SPATS2L: variants seen among roughly 807,000 people sequenced by gnomAD.
The protein encoded by SPATS2L is SPATS2-like protein.
SPATS2L carries 30 observed loss-of-function variants against 59.6 expected under a neutral mutation model. The ratio of observed to expected loss-of-function variants is 0.50; its 90% CI spans 0.38 to 0.68. SPATS2L has a LOEUF of 0.68. Among genes scored for constraint, SPATS2L ranks in the 30% least tolerant of loss-of-function variants. The probability of loss-of-function intolerance (pLI) is 0.00; values close to 1 mark genes in which losing one functional copy is unlikely to be tolerated. For synonymous variants in SPATS2L, 252 were observed against 263.5 expected, an observed-to-expected ratio of 0.96 and a Z score of 0.42; for missense variants, 615 against 700.0, an observed-to-expected ratio of 0.88 and a Z score of 1.37.
chr2:200,339,978 A>G (rs1257409560), intron 2 of SPATS2L, among the ~76,000 whole-genome samples: 1 of 152,066 alleles, frequency 6.6e-6, no homozygotes, highest in Non-Finnish European at 1.5e-5. Context: ...AATCGTTCAC[A>G]CTGCAATTGA....
In SPATS2L at chr2:200,350,786, C is replaced by T. The variant is rs529193021; in HGVS notation, c.-23+21306C>T. Among the ~76,000 whole-genome samples, 13 of 152,264 alleles carry T rather than the reference C, an allele frequency of 8.5e-5. No individual in the cohort carries two copies. In the East Asian group the frequency reaches 9.7e-4, roughly 11 times the overall value. On this transcript the variant is annotated intron_variant, in intron 2 of 12. Transcript: ENST00000409140. ...CTGACCTCAAGTGATCTGCCCACTTCGGCCTCCCAAAGTGCTGGGATTATA... is the reference window on the plus strand; with the variant it reads ...CTGACCTCAAGTGATCTGCCCACTTTGGCCTCCCAAAGTGCTGGGATTATA...
At chr2:200,361,084 C>A (rs2081088376) in intron 2 of SPATS2L, among the ~76,000 whole-genome samples, 1 of 122,836 alleles carries the variant, frequency 8.1e-6, no homozygotes, top group African/African-American at 4.4e-5. Context: ...ACCCCACCCC[C>A]CCACACACAC....
In SPATS2L at chr2:200,389,266, G is replaced by A. The variant is rs2082095926; in HGVS notation, c.22G>A (p.Val8Met). 2 of 1,584,920 alleles carry A rather than the reference G, an allele frequency of 1.3e-6. No individual in the cohort carries two copies. Among genetic ancestry groups the A allele is most frequent in the East Asian group, 4.5e-5 (2 of 44,106 alleles). Residue 8 changes from valine to methionine, a missense_variant, in exon 3 of 13, where the codon GTG becomes ATG. This residue lies in a region of SPATS2L where 227 missense variants were observed against 257.4 expected (regional missense o/e 0.88). Transcript: ENST00000409140. ...CAAGATGGCTGAACTCAATACTCAT[G>A]TGAATGTCAAGGAAAAGGTAAGATC... The part of the protein sequence containing the change: MAELNTH[V>M]NVKEKIYAVR...
chr2:200,396,234 A>C (rs916604816), intron 3 of SPATS2L, among the ~76,000 whole-genome samples: 2 of 151,750 alleles, frequency 1.3e-5, no homozygotes, highest in Non-Finnish European at 2.9e-5. Context: ...AGCTCAGTCT[A>C]TAATGTCATC....
At position 200,477,689 on chromosome 2, in the gene SPATS2L, G is replaced by T. The variant is rs886998115; in HGVS notation, c.1335G>T (p.Arg445Ser). 20 of 1,565,972 alleles carry T rather than the reference G, an allele frequency of 1.3e-5. No homozygotes were observed. The highest frequency in any genetic ancestry group is 1.6e-5 in the Non-Finnish European group (19 of 1,154,760). Residue 445 changes from arginine to serine, a missense_variant, in exon 13 of 13, where the codon AGG (arginine) becomes AGT (serine). By Grantham distance (110) the Arg-to-Ser change is moderately radical (BLOSUM62 -1). This residue lies in a region of SPATS2L where 284 missense variants were observed against 280.1 expected (regional missense o/e 1.01). Coordinates refer to ENST00000409140, the MANE Select transcript of SPATS2L (RefSeq NM_001100423.2). ...TTAATCCACAGTATCATAACAACAG[G>T]CTAAATGGGCCTGCCAAGTCGCAGG... Reference protein sequence around the residue: ...RRFNPQYHNNRLNGPAKSQGS... With the variant: ...RRFNPQYHNNSLNGPAKSQGS...
intron 2 of SPATS2L, among the ~76,000 whole-genome samples, chr2:200,362,970 T>C (rs1052711834): frequency 6.6e-6 from 1 of 152,124 alleles, no homozygotes; most frequent in Admixed American, 6.5e-5. Context: ...ATAAATTTTC[T>C]AGGTACAATT....
intron 9 of SPATS2L, among the ~76,000 whole-genome samples, chr2:200,465,673 G>A (rs368523009): frequency 1.3e-5 from 2 of 152,322 alleles, no homozygotes; most frequent in African/African-American, 4.8e-5. Context: ...TTTGGCAGAT[G>A]ATAAAGCTGT....
At chr2:200,329,579 C>T (rs1214115268) in intron 2 of SPATS2L, 99 bp downstream of exon 2, 22 of 1,016,050 alleles carry the variant, frequency 2.2e-5, no homozygotes, top group Non-Finnish European at 3.2e-5. Context: ...TTGTCACAGC[C>T]TTTGGCCGCC....
intron 2 of SPATS2L, chr2:200,372,287 G>A: frequency 1.3e-6 from 1 of 751,754 alleles, no homozygotes; most frequent in Non-Finnish European, 1.6e-6. Flanking sequence ...CTCATTCAAT[G>A]GCCAGCCAGC....
chr2:200,445,350 A>C (rs968699522), intron 8 of SPATS2L, among the ~76,000 whole-genome samples: 2 of 152,202 alleles, frequency 1.3e-5, no homozygotes, highest in African/African-American at 4.8e-5. Context: ...TGGGACTTTT[A>C]GGCAGAAGAA....
At chr2:200,367,310 A>T (rs894130787) in intron 2 of SPATS2L, among the ~76,000 whole-genome samples, 5 of 150,708 alleles carry the variant, frequency 3.3e-5, no homozygotes, top group Admixed American at 1.3e-4. Flanking sequence ...TGCAATCATG[A>T]TGATCTCTGA....
At chr2:200,359,009 C>T (rs1436045719) in intron 2 of SPATS2L, among the ~76,000 whole-genome samples, 1 of 151,416 alleles carries the variant, frequency 6.6e-6, no homozygotes, top group Admixed American at 6.6e-5. Flanking sequence ...AAAAAATACA[C>T]ACACACACAA....
intron 2 of SPATS2L, among the ~76,000 whole-genome samples, chr2:200,383,511 G>A (rs369618046): frequency 6.6e-6 from 1 of 152,144 alleles, no homozygotes; most frequent in Non-Finnish European, 1.5e-5. Flanking sequence ...TGACCTGGGA[G>A]TCACTGTTTT....
chr2:200,476,204 G>A (rs1035401126), intron 12 of SPATS2L, among the ~76,000 whole-genome samples: 1 of 152,072 alleles, frequency 6.6e-6, no homozygotes, highest in Non-Finnish European at 1.5e-5. Flanking sequence ...TTGAAGGAAT[G>A]ATTTTTTAAT....
intron 2 of SPATS2L, among the ~76,000 whole-genome samples, chr2:200,367,004 G>A (rs2081286796): frequency 6.6e-6 from 1 of 152,030 alleles, no homozygotes; most frequent in Non-Finnish European, 1.5e-5. Flanking sequence ...GTCACTAATC[G>A]AAGACTCAAA....
chr2:200,480,496 A>G lies in SPATS2L; in HGVS notation c.*2465A>G, dbSNP rs2087751623. ...GGCTCAAGCCATCCTCAGCCTCCCA[A>G]GTTGCGAGGACTACAGGTGTGCACC... On this transcript the variant is annotated 3_prime_UTR_variant, in exon 13 of 13. Transcript: ENST00000409140. 1 of 152,074 alleles carries G rather than the reference A, an allele frequency of 6.6e-6. No individual in the cohort carries two copies. The highest frequency in any genetic ancestry group is 2.4e-5 in the African/African-American group (1 of 41,378). 9.4% of individuals were successfully genotyped at this position (152,074 alleles called of 1,614,324 possible).
intron 2 of SPATS2L, among the ~76,000 whole-genome samples, chr2:200,332,806 C>G (rs890379498): frequency 2.9e-4 from 36 of 125,938 alleles, no homozygotes; most frequent in South Asian, 8.2e-4. Flanking sequence ...ATGTATGTAT[C>G]TATGTATTCT....
rs185455045 is a variant in SPATS2L at position 200,348,187 on chromosome 2, G to A, written c.-23+18707G>A. Among the ~76,000 whole-genome samples, 51 of 152,316 alleles carry A rather than the reference G, an allele frequency of 3.3e-4. No homozygotes were observed. The East Asian group carries it at 7.1e-3, about 21-fold the overall frequency. On this transcript the variant is annotated intron_variant, in intron 2 of 12. Coordinates refer to ENST00000409140, the MANE Select transcript of SPATS2L (RefSeq NM_001100423.2). ...GTAATGTCAGCAGGCTGTCTATTAT[G>A]TAACCATAATACTAGTGTTCTGAGT...
intron 2 of SPATS2L, among the ~76,000 whole-genome samples, chr2:200,349,178 A>G (rs1007386370): frequency 5.3e-5 from 8 of 152,234 alleles, no homozygotes; most frequent in East Asian, 3.8e-4. Flanking sequence ...TGTAGTTGGC[A>G]TCACGTTAGA....
Sources: allele counts gnomAD v4.1 joint callset (sites outside exome capture counted in the v4.1 genomes callset), GRCh38; gene constraint gnomAD v4.1.1; regional missense constraint gnomAD v4.1.1; transcripts MANE v1.5; gene names NCBI Gene and HGNC (gene_info 2026-07-23, HGNC 2026-07-21).